MACROD2: variants seen among roughly 807,000 people sequenced by gnomAD.
MACROD2 encodes the protein ADP-ribose glycohydrolase MACROD2.
MACROD2 carries 36 observed loss-of-function variants against 70.4 expected under a neutral mutation model. The ratio of observed to expected loss-of-function variants is 0.51; its 90% CI spans 0.39 to 0.68. The LOEUF (loss-of-function observed/expected upper bound fraction) is 0.68. MACROD2 is among the 30% of genes least tolerant of loss of function. The pLI, the probability that MACROD2 is intolerant of heterozygous loss-of-function variation, is 0.00. For missense variants in MACROD2, 496 were observed against 538.4 expected (o/e 0.92, Z 0.78); for synonymous variants, 172 against 178.8 (o/e 0.96, Z 0.30).
At chr20:15,093,095 A>G (rs985183071) in intron 5 of MACROD2, among the ~76,000 whole-genome samples, 26 of 152,230 alleles carry the variant, frequency 1.7e-4, no homozygotes, top group Non-Finnish European at 7.3e-5. Context: ...ACCATGCCAC[A>G]TAAATGACAC....
chr20:14,415,723 T>G (rs1048154796), intron 3 of MACROD2, among the ~76,000 whole-genome samples: 2 of 152,176 alleles, frequency 1.3e-5, no homozygotes, highest in Admixed American at 6.5e-5. Context: ...ATTAAGCCGA[T>G]AAGCTGGTGA....
At chr20:14,296,394 A>G (rs2082428105) in intron 3 of MACROD2, among the ~76,000 whole-genome samples, 3 of 151,930 alleles carry the variant, frequency 2.0e-5, no homozygotes, top group Admixed American at 2.0e-4. Flanking sequence ...ACTTAAAACT[A>G]CCCAAGTGTC....
chr20:14,452,705 A>G (rs1225398332), intron 3 of MACROD2, among the ~76,000 whole-genome samples: 2 of 152,146 alleles, frequency 1.3e-5, no homozygotes, highest in African/African-American at 4.8e-5. Context: ...ATTACTACAA[A>G]TCTTATTATT....
chr20:15,245,373 CAA>C (rs1024740322), intron 6 of MACROD2, among the ~76,000 whole-genome samples: 6 of 152,020 alleles, frequency 3.9e-5, no homozygotes, highest in Non-Finnish European at 2.9e-5. Flanking sequence ...TTATGGCACT[CAA>C]AATGTATTTA....
intron 3 of MACROD2, among the ~76,000 whole-genome samples, chr20:14,126,691 C>T (rs1002357625): frequency 1.3e-5 from 2 of 152,072 alleles, no homozygotes; most frequent in African/African-American, 4.8e-5. Flanking sequence ...ATTATGGGCA[C>T]ATAATAGTTG....
intron 2 of MACROD2, among the ~76,000 whole-genome samples, chr20:14,003,991 C>CT (rs908989953): frequency 1.3e-5 from 2 of 151,998 alleles, no homozygotes; most frequent in East Asian, 1.9e-4. Flanking sequence ...CTATCTTCTT[C>CT]TTTTTTTTAA....
intron 7 of MACROD2, among the ~76,000 whole-genome samples, chr20:15,473,780 C>T (rs1215814952): frequency 2.0e-5 from 3 of 152,190 alleles, no homozygotes; most frequent in African/African-American, 7.2e-5. Context: ...TCTCTAGTCC[C>T]AGTTTGCTTT....
rs186301114 is a variant in MACROD2 at position 15,207,060 on chromosome 20, A to G, written c.419-22880A>G. On this transcript the variant is annotated intron_variant, in intron 5 of 17. Coordinates refer to ENST00000684519, the MANE Select transcript of MACROD2 (RefSeq NM_001351661.2). ...CCATATTATCTATGTTGTCACATGTATCAATGTTCATTATTCTTCATTGGT... is the reference window on the plus strand; with the variant it reads ...CCATATTATCTATGTTGTCACATGTGTCAATGTTCATTATTCTTCATTGGT... Among the ~76,000 whole-genome samples the G allele has an allele frequency of 9.2e-5, 14 of 152,218 alleles. No individual in the cohort carries two copies. In the East Asian group the frequency reaches 2.3e-3, roughly 25 times the overall value.
At chr20:15,064,379 T>A (rs1021552540) in intron 5 of MACROD2, among the ~76,000 whole-genome samples, 9 of 152,150 alleles carry the variant, frequency 5.9e-5, no homozygotes, top group African/African-American at 2.2e-4. Context: ...CTTGTGTAAT[T>A]CATAAATCAC....
At chr20:14,786,240 A>G (rs2072372634) in intron 5 of MACROD2, among the ~76,000 whole-genome samples, 1 of 81,282 alleles carries the variant, frequency 1.2e-5, no homozygotes, top group Non-Finnish European at 2.8e-5. Flanking sequence ...GAGAGAGAAT[A>G]TGAGGGAAGA....
chr20:15,414,586 A>C (rs1176867614), intron 6 of MACROD2, among the ~76,000 whole-genome samples: 1 of 152,202 alleles, frequency 6.6e-6, no homozygotes, highest in Non-Finnish European at 1.5e-5. Flanking sequence ...TAGGTATTTA[A>C]AAAGGGCAGT....
chr20:15,335,644 G>A lies in MACROD2; in HGVS notation c.541-95761G>A, dbSNP rs2078040152. On this transcript the variant is annotated intron_variant, in intron 6 of 17. Transcript: ENST00000684519. ...AAATAGTTTGCTAGTTTGCTCTAAA[G>A]ATATTTCTGGCTGTGATAATGATTA... Among the ~76,000 whole-genome samples, 3 of 151,624 alleles carry A rather than the reference G, an allele frequency of 2.0e-5. No homozygotes were observed. The South Asian group carries it at 6.2e-4, about 31-fold the overall frequency.
At chr20:14,881,434 C>T (rs2073610054) in intron 5 of MACROD2, among the ~76,000 whole-genome samples, 1 of 151,934 alleles carries the variant, frequency 6.6e-6, no homozygotes, top group Non-Finnish European at 1.5e-5. Context: ...CCCTGTGCCT[C>T]AGACTTCAAA....
intron 3 of MACROD2, among the ~76,000 whole-genome samples, chr20:14,151,894 TCA>T (rs1244498555): frequency 1.5e-5 from 2 of 134,580 alleles, no homozygotes; most frequent in African/African-American, 5.5e-5. Context: ...CAATCTCGGC[TCA>T]CTGCAAGCTC....
intron 3 of MACROD2, among the ~76,000 whole-genome samples, chr20:14,284,194 A>G (rs1037361031): frequency 6.6e-6 from 1 of 152,226 alleles, no homozygotes; most frequent in Non-Finnish European, 1.5e-5. Flanking sequence ...TGATCAGGAT[A>G]GGTAATGCAC....
At chr20:14,711,277 T>C (rs1306657955) in intron 5 of MACROD2, among the ~76,000 whole-genome samples, 1 of 152,172 alleles carries the variant, frequency 6.6e-6, no homozygotes, top group Non-Finnish European at 1.5e-5. Context: ...TTGAAGTCAA[T>C]TTCAGCTTTT....
chr20:14,945,372 T>C (rs143266872), intron 5 of MACROD2, among the ~76,000 whole-genome samples: 1 of 152,244 alleles, frequency 6.6e-6, no homozygotes, highest in African/African-American at 2.4e-5. Flanking sequence ...TGAGCCACCA[T>C]GCCTGGCCAA....
intron 3 of MACROD2, among the ~76,000 whole-genome samples, chr20:14,191,269 T>C (rs1207015760): frequency 6.6e-6 from 1 of 152,142 alleles, no homozygotes; most frequent in Non-Finnish European, 1.5e-5. Context: ...CCCTTGATAT[T>C]TTCCCTAAGC....
At chr20:14,808,730 A>T (rs937165150) in intron 5 of MACROD2, among the ~76,000 whole-genome samples, 3 of 151,748 alleles carry the variant, frequency 2.0e-5, no homozygotes, top group Non-Finnish European at 2.9e-5. Flanking sequence ...AAATAAAGGG[A>T]TGGAGCAAGA....
Sources: gnomAD v4.1 joint callset for allele counts (sites outside exome capture counted in the v4.1 genomes callset) on GRCh38, gnomAD v4.1.1 for gene constraint, MANE v1.5 for transcripts, NCBI Gene and HGNC (gene_info 2026-07-23, HGNC 2026-07-21) for gene names.